SPINK6: variants seen among roughly 807,000 people sequenced by gnomAD.
SPINK6 encodes serine protease inhibitor Kazal-type 6.
A neutral mutation model predicts 11.7 loss-of-function variants in SPINK6; 13 were observed. The ratio of observed to expected loss-of-function variants is 1.11; its 90% CI spans 0.72 to 1.76. The LOEUF (loss-of-function observed/expected upper bound fraction) is 1.76. Among genes scored for constraint, SPINK6 ranks in the 40% most tolerant of loss-of-function variants. The pLI is 0.00. For synonymous variants in SPINK6, 21 were observed against 31.9 expected (o/e 0.66, Z 1.15); for missense variants, 98 against 93.7 (o/e 1.05, Z -0.19).
chr5:148,210,244 G>A (rs1290473146), intron 2 of SPINK6, among the ~76,000 whole-genome samples: 1 of 123,404 alleles, frequency 8.1e-6, no homozygotes, highest in African/African-American at 3.2e-5. Context: ...GCATACGTAT[G>A]TATTTCTGCA....
intron 1 of SPINK6, among the ~76,000 whole-genome samples, chr5:148,205,207 T>C (rs1379529146): frequency 6.6e-6 from 1 of 152,206 alleles, no homozygotes. Flanking sequence ...TGGATTCCGC[T>C]AACCCACACT....
intron 2 of SPINK6, 139 bp from the exon 3 acceptor site, chr5:148,213,771 G>A: frequency 1.7e-6 from 1 of 588,068 alleles, no homozygotes; most frequent in Non-Finnish European, 3.1e-6. Flanking sequence ...CAGATAAGGA[G>A]AGCTATTTTA....
intron 2 of SPINK6, among the ~76,000 whole-genome samples, chr5:148,207,651 T>G (rs1299361346): frequency 6.6e-6 from 1 of 152,064 alleles, no homozygotes; most frequent in Non-Finnish European, 1.5e-5. Flanking sequence ...GCTAACATGG[T>G]GAAACCCCAT....
chr5:148,210,678 G>A (rs910014602), intron 2 of SPINK6, among the ~76,000 whole-genome samples: 2 of 151,952 alleles, frequency 1.3e-5, no homozygotes, highest in Non-Finnish European at 2.9e-5. Context: ...AAGACAGCAA[G>A]AGAGAGAAGA....
At chr5:148,213,873 T>G in intron 2 of SPINK6, 37 bp from the exon 3 acceptor site, 1 of 1,039,214 alleles carries the variant, frequency 9.6e-7, no homozygotes, top group Non-Finnish European at 1.5e-6. Context: ...TCTCTTAGAA[T>G]GCACTGATGT....
intron 2 of SPINK6, among the ~76,000 whole-genome samples, chr5:148,209,979 T>TACATACATACATAC (rs1554112238): frequency 6.9e-6 from 1 of 145,506 alleles, no homozygotes; most frequent in African/African-American, 2.8e-5. Context: ...TACGTACGTA[T>TACATACATACATAC]GTATGTATAC....
intron 1 of SPINK6, 111 bp downstream of exon 1, chr5:148,203,265 G>T: frequency 1.4e-6 from 1 of 731,456 alleles, no homozygotes. Context: ...GACCAATTCT[G>T]AGAGATTATC....
chr5:148,202,875 T>A (rs1314201016), upstream of SPINK6: 2 of 400,256 alleles, frequency 5.0e-6, no homozygotes, highest in Non-Finnish European at 8.8e-6. Flanking sequence ...AATGACATTC[T>A]CTATTAATAA....
At chr5:148,206,009 T>C in intron 1 of SPINK6, 27 bp from the exon 2 acceptor site, 2 of 1,613,484 alleles carry the variant, frequency 1.2e-6, no homozygotes, top group Non-Finnish European at 1.7e-6. Context: ...TGAATTACAG[T>C]GTTTGAATGT....
At chr5:148,211,178 A>G (rs116419285) in intron 2 of SPINK6, among the ~76,000 whole-genome samples, 220 of 152,250 alleles carry the variant, frequency 1.4e-3, no homozygotes, top group Middle Eastern at 3.4e-3. Context: ...CAGCCACCAT[A>G]TTAAAATGTC....
chr5:148,203,060 A>G lies in SPINK6; in HGVS notation c.-37A>G. 6.3e-7 allele frequency: 1 copy of G among 1,578,062 alleles called. No homozygotes were observed. The highest frequency in any genetic ancestry group is 8.6e-7 in the Non-Finnish European group (1 of 1,163,248). ...TGTCTTGACAGAGAACCTCAGCTGG[A>G]CAAAGCAGCCTTGATCTGAGTGAGC... On this transcript the variant is annotated 5_prime_UTR_variant, in exon 1 of 4. Coordinates refer to ENST00000325630, the MANE Select transcript of SPINK6 (RefSeq NM_205841.4).
chr5:148,210,908 T>C (rs575592851), intron 2 of SPINK6, among the ~76,000 whole-genome samples: 7 of 152,210 alleles, frequency 4.6e-5, no homozygotes, highest in East Asian at 3.9e-4. Flanking sequence ...ACAACAGATA[T>C]GGTAAAGAAT....
chr5:148,211,520 C>A (rs1383198049), intron 2 of SPINK6, among the ~76,000 whole-genome samples: 4 of 152,078 alleles, frequency 2.6e-5, no homozygotes, highest in African/African-American at 4.8e-5. Flanking sequence ...TTTATATGAC[C>A]ACATTTGTTC....
chr5:148,209,969 T>C (rs13158727), intron 2 of SPINK6, among the ~76,000 whole-genome samples: 93,231 of 125,498 alleles, frequency 0.74, 39,432 homozygotes, highest in Middle Eastern at 0.93. Context: ...TATACATACA[T>C]ACGTACGTAT....
intron 2 of SPINK6, among the ~76,000 whole-genome samples, chr5:148,209,978 A>G (rs376437901): frequency 0.01 from 1,350 of 130,692 alleles, 127 homozygotes; most frequent in Non-Finnish European, 0.015. Flanking sequence ...ATACGTACGT[A>G]TGTATGTATA....
intron 2 of SPINK6, among the ~76,000 whole-genome samples, chr5:148,210,055 T>C (rs961882348): frequency 2.7e-5 from 4 of 150,492 alleles, no homozygotes; most frequent in East Asian, 2.0e-4. Context: ...TGCATATATG[T>C]ATGTATATGT....
At chr5:148,210,033 C>CGCACGTATGTATGCATATATGTATGT (rs1561732299) in intron 2 of SPINK6, among the ~76,000 whole-genome samples, 6 of 25,446 alleles carry the variant, frequency 2.4e-4, no homozygotes, top group Non-Finnish European at 1.4e-3. Context: ...TACGCATGCA[C>CGCACGTATGTATGCATATATGTATGT]AAACGTATGT....
intron 2 of SPINK6, among the ~76,000 whole-genome samples, chr5:148,212,569 A>G (rs1166198836): frequency 1.1e-5 from 1 of 92,330 alleles, no homozygotes; most frequent in African/African-American, 4.1e-5. Context: ...TATAATATAT[A>G]TTATATATTA....
intron 2 of SPINK6, among the ~76,000 whole-genome samples, chr5:148,206,811 G>T (rs1009116002): frequency 3.3e-5 from 5 of 152,024 alleles, no homozygotes; most frequent in African/African-American, 1.2e-4. Flanking sequence ...TTTCTACTTG[G>T]TCTTGGCACT....
Sources: gnomAD v4.1 joint callset for allele counts (sites outside exome capture counted in the v4.1 genomes callset) on GRCh38, gnomAD v4.1.1 for gene constraint, MANE v1.5 for transcripts, NCBI Gene and HGNC (gene_info 2026-07-23, HGNC 2026-07-21) for gene names.